The following CDH10 variants were observed in gnomAD, a reference collection of about 807,000 sequenced individuals.
CDH10 encodes cadherin-10.
CDH10 carries 30 observed loss-of-function variants against 73.1 expected under a neutral mutation model. That is an observed-to-expected ratio of 0.41 (90% CI 0.31 to 0.56). The LOEUF is 0.56. CDH10 is among the 20% of genes least tolerant of loss of function. CDH10 has a pLI of 0.27. For synonymous variants in CDH10, 345 were observed against 348.2 expected (o/e 0.99, Z 0.10); for missense variants, 815 against 973.7 (o/e 0.84, Z 2.17).
chr5:24,596,239 T>C (rs1290988549), intron 1 of CDH10, among the ~76,000 whole-genome samples: 1 of 151,970 alleles, frequency 6.6e-6, no homozygotes, highest in East Asian at 1.9e-4. Context: ...ATATCACTAA[T>C]AATCATCCTT....
intron 2 of CDH10, among the ~76,000 whole-genome samples, chr5:24,555,376 C>G (rs1377877223): frequency 2.6e-5 from 4 of 152,138 alleles, no homozygotes; most frequent in African/African-American, 9.7e-5. Context: ...AGTTCCCAAG[C>G]AGTAGCATGG....
At chr5:24,568,987 GTAA>G (rs1561168966) in intron 2 of CDH10, among the ~76,000 whole-genome samples, 2 of 151,834 alleles carry the variant, frequency 1.3e-5, no homozygotes, top group Non-Finnish European at 2.9e-5. Flanking sequence ...GCAGGCACCT[GTAA>G]TCCCAGCTAC....
chr5:24,619,279 C>T (rs1264549721), intron 1 of CDH10, among the ~76,000 whole-genome samples: 6 of 152,012 alleles, frequency 3.9e-5, no homozygotes, highest in Non-Finnish European at 7.4e-5. Context: ...CTGCAAGTTC[C>T]GCCTCCCGGG....
chr5:24,498,433 C>CAT lies in CDH10; in HGVS notation c.1478_1479dup (p.Asp494MetfsTer14). The CAT allele has an allele frequency of 6.2e-7, 1 of 1,605,768 alleles. No homozygotes were observed. Reference sequence around the variant, plus strand: ...CTGGCATTTTCACATACAAAAGTGTCATAGAACACAGCAAACTGTGGGGCA... The same window carrying CAT: ...CTGGCATTTTCACATACAAAAGTGTCATATAGAACACAGCAAACTGTGGGGCA... On this transcript the variant is annotated frameshift_variant, in exon 9 of 12. Coordinates refer to ENST00000264463, the MANE Select transcript of CDH10 (RefSeq NM_006727.5). LOFTEE classifies it high-confidence loss of function.
intron 3 of CDH10, among the ~76,000 whole-genome samples, chr5:24,536,493 T>G (rs1028414179): frequency 2.0e-5 from 3 of 152,096 alleles, no homozygotes; most frequent in Admixed American, 2.0e-4. Context: ...GCTTTAGATT[T>G]GTTTAATCAG....
chr5:24,644,634 C>A lies in CDH10; in HGVS notation c.-164G>T, dbSNP rs1355188424. 1 of 151,836 alleles carries A rather than the reference C, an allele frequency of 6.6e-6. No individual in the cohort carries two copies. The highest frequency in any genetic ancestry group is 1.5e-5 in the Non-Finnish European group (1 of 67,986). The allele number at this position is 151,836 out of a possible 1,614,324, so 9.4% of individuals were successfully genotyped here. On this transcript the variant is annotated 5_prime_UTR_variant, in exon 1 of 12. Coordinates refer to ENST00000264463, the MANE Select transcript of CDH10 (RefSeq NM_006727.5). ...CTGGATAATGGAAGTTGGTTCCAGCCAAAATAACCCAGGAGAAATTGTCAC... is the reference window on the plus strand; with the variant it reads ...CTGGATAATGGAAGTTGGTTCCAGCAAAAATAACCCAGGAGAAATTGTCAC...
At chr5:24,526,796 A>T (rs1256489509) in intron 5 of CDH10, among the ~76,000 whole-genome samples, 1 of 151,802 alleles carries the variant, frequency 6.6e-6, no homozygotes, top group East Asian at 1.9e-4. Context: ...CCGAAAAAAG[A>T]TCTCTTAAAT....
chr5:24,511,197 G>T, intron 6 of CDH10, 130 bp downstream of exon 6: 3 of 659,692 alleles, frequency 4.5e-6, no homozygotes, highest in Non-Finnish European at 2.6e-6. Flanking sequence ...TCTTATGTAT[G>T]CACAGTATAA....
chr5:24,511,940 T>C (rs1742928315), intron 5 of CDH10, among the ~76,000 whole-genome samples: 1 of 152,032 alleles, frequency 6.6e-6, no homozygotes, highest in African/African-American at 2.4e-5. Context: ...TGATGAGAAC[T>C]CATGGACACA....
chr5:24,523,099 GA>G (rs146069109), intron 5 of CDH10, among the ~76,000 whole-genome samples: 2,976 of 151,586 alleles, frequency 0.02, 99 homozygotes, highest in African/African-American at 0.068. Flanking sequence ...ATGGGGGCAG[GA>G]AGGGAGGGTG....
At chr5:24,502,455 T>C (rs1046418033) in intron 8 of CDH10, among the ~76,000 whole-genome samples, 2 of 152,180 alleles carry the variant, frequency 1.3e-5, no homozygotes, top group African/African-American at 2.4e-5. Context: ...GACTGTAAAG[T>C]CAGTGTTTAA....
At chr5:24,553,054 T>C (rs1358005503) in intron 2 of CDH10, among the ~76,000 whole-genome samples, 1 of 152,182 alleles carries the variant, frequency 6.6e-6, no homozygotes, top group Admixed American at 6.6e-5. Context: ...ATGCTGGATG[T>C]ACATGGACTC....
intron 2 of CDH10, among the ~76,000 whole-genome samples, chr5:24,561,537 G>A (rs946398242): frequency 1.3e-5 from 2 of 152,006 alleles, no homozygotes; most frequent in African/African-American, 4.8e-5. Flanking sequence ...GCATTTTTCA[G>A]TTCCCCTTTC....
intron 1 of CDH10, among the ~76,000 whole-genome samples, chr5:24,631,187 C>T (rs1242817167): frequency 6.6e-6 from 1 of 152,080 alleles, no homozygotes; most frequent in Admixed American, 6.6e-5. Context: ...TTAATCTCAT[C>T]CCTGAAGGAA....
intron 2 of CDH10, among the ~76,000 whole-genome samples, chr5:24,587,804 T>C (rs140360546): frequency 2.2e-4 from 33 of 152,306 alleles, no homozygotes; most frequent in African/African-American, 7.0e-4. Flanking sequence ...GAATTTTGAG[T>C]GCAAAATGTA....
chr5:24,536,288 A>G (rs1168023830), intron 3 of CDH10, among the ~76,000 whole-genome samples: 1 of 152,098 alleles, frequency 6.6e-6, no homozygotes, highest in Non-Finnish European at 1.5e-5. Flanking sequence ...ACAATTCAAC[A>G]TGATCCCAAG....
intron 2 of CDH10, chr5:24,554,103 G>A (rs1561159101): frequency 4.6e-5 from 2 of 43,228 alleles, no homozygotes; most frequent in African/African-American, 1.5e-4. Flanking sequence ...GAGAGAAGGG[G>A]AGGTGGGCGG....
chr5:24,609,761 T>G (rs896908381), intron 1 of CDH10: 1 of 152,386 alleles, frequency 6.6e-6, no homozygotes, highest in African/African-American at 2.4e-5. Flanking sequence ...TCTTCTTAGA[T>G]CTCTCCTATA....
intron 8 of CDH10, among the ~76,000 whole-genome samples, chr5:24,502,984 C>T (rs1334184671): frequency 6.6e-6 from 1 of 152,046 alleles, no homozygotes; most frequent in East Asian, 1.9e-4. Flanking sequence ...GAACAAGGGG[C>T]TATAAATAGA....
Sources: allele counts gnomAD v4.1 joint callset (sites outside exome capture counted in the v4.1 genomes callset), GRCh38; gene constraint gnomAD v4.1.1; transcripts MANE v1.5; gene names NCBI Gene and HGNC (gene_info 2026-07-23, HGNC 2026-07-21).